DMD: variants seen among roughly 807,000 people sequenced by gnomAD.
DMD encodes mutant dystrophin.
A neutral mutation model predicts 330.1 loss-of-function variants in DMD; 63 were observed. The ratio of observed to expected loss-of-function variants is 0.19; its 90% CI spans 0.16 to 0.24. DMD has a LOEUF of 0.24. Among genes scored for constraint, DMD ranks in the 10% least tolerant of loss-of-function variants. DMD has a pLI of 1.00. For missense variants in DMD, 3,344 were observed against 2,684.1 expected (o/e 1.25, Z -5.43); for synonymous variants, 1,223 against 959.8 (o/e 1.27, Z -5.07).
intron 12 of DMD, among the ~76,000 whole-genome samples, chrX:32,610,867 A>G (rs1486566147): frequency 9.0e-6 from 1 of 110,986 alleles, no homozygotes; most frequent in Non-Finnish European, 1.9e-5. Flanking sequence ...ACTTTCAATG[A>G]TTTACAATTC....
chrX:32,304,723 G>A (rs1010328015), intron 42 of DMD, among the ~76,000 whole-genome samples: 2 of 111,038 alleles, frequency 1.8e-5, no homozygotes, highest in Non-Finnish European at 3.8e-5. Context: ...AGCTGTTGAA[G>A]AAACAAATTA....
chrX:33,075,873 C>G (rs2094832930), intron 1 of DMD, among the ~76,000 whole-genome samples: 1 of 111,701 alleles, frequency 9.0e-6, no homozygotes, highest in South Asian at 3.7e-4. Flanking sequence ...AACCCTTCCC[C>G]AAAACCAACC....
chrX:31,186,742 T>G (rs1309725722), intron 67 of DMD, among the ~76,000 whole-genome samples: 2 of 112,442 alleles, frequency 1.8e-5, no homozygotes, highest in East Asian at 5.6e-4. Context: ...TATAAAGAAT[T>G]ATGCAATCTA....
At chrX:32,141,307 G>A (rs1411523288) in intron 44 of DMD, among the ~76,000 whole-genome samples, 6 of 109,156 alleles carry the variant, frequency 5.5e-5, no homozygotes, top group Non-Finnish European at 1.1e-4. Flanking sequence ...GTGGTTGTGG[G>A]CGCCTCTAAT....
chrX:33,315,352 A>G (rs1263984298), intron 1 of DMD, among the ~76,000 whole-genome samples: 2 of 112,308 alleles, frequency 1.8e-5, no homozygotes, highest in Middle Eastern at 4.6e-3. Context: ...TTATTTTAAT[A>G]ATGTATGGTG....
At chrX:32,748,171 C>T (rs1024898265) in intron 7 of DMD, among the ~76,000 whole-genome samples, 1 of 109,230 alleles carries the variant, frequency 9.2e-6, no homozygotes, top group Non-Finnish European at 1.9e-5. Flanking sequence ...GGCAAAACCC[C>T]GTTTCTACTA....
intron 18 of DMD, 93 bp downstream of exon 18, chrX:32,517,915 A>C: frequency 1.1e-6 from 1 of 951,624 alleles, no homozygotes; most frequent in Non-Finnish European, 1.5e-6. Context: ...ATATCGCATT[A>C]ATCTATCAAC....
chrX:32,024,861 G>A (rs2095835887), intron 44 of DMD, among the ~76,000 whole-genome samples: 1 of 111,833 alleles, frequency 8.9e-6, no homozygotes. Context: ...CAGAAATTAA[G>A]TCTCTGAAAA....
chrX:32,678,081 G>A (rs2062094403), intron 9 of DMD, among the ~76,000 whole-genome samples: 1 of 111,815 alleles, frequency 8.9e-6, no homozygotes, highest in African/African-American at 3.2e-5. Context: ...GATTAGAGTG[G>A]TGGCTTTTAG....
At chrX:32,033,928 A>T (rs1010716094) in intron 44 of DMD, among the ~76,000 whole-genome samples, 6 of 112,000 alleles carry the variant, frequency 5.4e-5, no homozygotes, top group Admixed American at 1.9e-4. Context: ...TATGCAGAAG[A>T]CTATGTGATA....
At chrX:31,600,801 T>C (rs1233770560) in intron 55 of DMD, among the ~76,000 whole-genome samples, 2 of 104,975 alleles carry the variant, frequency 1.9e-5, no homozygotes, top group Admixed American at 1.0e-4. Flanking sequence ...ATCTGCATGA[T>C]GTTTTTTTTT....
chrX:32,990,887 T>A (rs966940390), intron 2 of DMD, among the ~76,000 whole-genome samples: 1 of 111,240 alleles, frequency 9.0e-6, no homozygotes, highest in Non-Finnish European at 1.9e-5. Flanking sequence ...AACAGAAGAA[T>A]AACAAGAATA....
chrX:32,591,323 C>T (rs755150618), intron 13 of DMD, among the ~76,000 whole-genome samples: 1 of 112,086 alleles, frequency 8.9e-6, no homozygotes, highest in East Asian at 2.8e-4. Context: ...CAACTTTTAA[C>T]TTGTACAGAA....
At chrX:32,943,579 G>T (rs769250603) in intron 2 of DMD, among the ~76,000 whole-genome samples, 1 of 110,644 alleles carries the variant, frequency 9.0e-6, no homozygotes, top group Admixed American at 9.7e-5. Flanking sequence ...GATGAATACT[G>T]GTGTTGTTTC....
chrX:32,127,761 C>T (rs1473267226), intron 44 of DMD, among the ~76,000 whole-genome samples: 1 of 112,210 alleles, frequency 8.9e-6, no homozygotes, highest in African/African-American at 3.2e-5. Flanking sequence ...GTTAAATCAC[C>T]TAAATACTCA....
intron 56 of DMD, among the ~76,000 whole-genome samples, chrX:31,499,489 C>CTTTTTTTTTTTTTTTTTTTTTT (rs774151183): frequency 1.2e-5 from 1 of 83,664 alleles, no homozygotes; most frequent in African/African-American, 4.6e-5. Flanking sequence ...GAATTCAGTT[C>CTTTTTTTTTTTTTTTTTTTTTT]TTTTTTTTTT....
At chrX:32,375,339 A>G (rs991750282) in intron 34 of DMD, among the ~76,000 whole-genome samples, 2 of 112,477 alleles carry the variant, frequency 1.8e-5, no homozygotes, top group African/African-American at 6.5e-5. Flanking sequence ...CTCAATCAGC[A>G]GGAGAATCTT....
chrX:32,938,918 A>C (rs906627722), intron 2 of DMD, among the ~76,000 whole-genome samples: 1 of 110,771 alleles, frequency 9.0e-6, no homozygotes, highest in African/African-American at 3.3e-5. Flanking sequence ...ATCCCTGAGG[A>C]TATCCGACAA....
intron 44 of DMD, among the ~76,000 whole-genome samples, chrX:32,131,774 T>C (rs1207456194): frequency 8.9e-6 from 1 of 112,130 alleles, no homozygotes; most frequent in African/African-American, 3.2e-5. Flanking sequence ...GTGGAAAATA[T>C]TTAGTGCTTG....
Sources: gnomAD v4.1 joint callset for allele counts (sites outside exome capture counted in the v4.1 genomes callset) on GRCh38, gnomAD v4.1.1 for gene constraint, MANE v1.5 for transcripts, NCBI Gene and HGNC (gene_info 2026-07-23, HGNC 2026-07-21) for gene names.